The following PDE11A variants were observed in gnomAD, a reference collection of about 807,000 sequenced individuals.
The protein encoded by PDE11A is phosphodiesterase 11A.
Under a neutral mutation model 100.5 loss-of-function variants are expected in PDE11A, and 100 were observed. The ratio of observed to expected loss-of-function variants is 1.00; its 90% CI spans 0.85 to 1.18. The LOEUF (loss-of-function observed/expected upper bound fraction) is 1.18, where lower values mean the gene tolerates loss of function less well. Ranked by LOEUF, PDE11A falls within the 50% of genes most tolerant of loss-of-function variation. PDE11A has a pLI of 0.00. For synonymous variants in PDE11A, 381 were observed against 420.8 expected (o/e 0.91, Z 1.16); for missense variants, 1,141 against 1,152.6 (o/e 0.99, Z 0.15).
intron 19 of PDE11A, among the ~76,000 whole-genome samples, chr2:177,635,653 C>G (rs2080027940): frequency 6.6e-6 from 1 of 152,130 alleles, no homozygotes; most frequent in African/African-American, 2.4e-5. Flanking sequence ...CTACTATTTC[C>G]CAGACACTCA....
In PDE11A at chr2:177,701,168, A is replaced by C. The variant is rs1431487009; in HGVS notation, c.2197T>G (p.Leu733Val). Residue 733 changes from leucine to valine, a missense_variant, in exon 14 of 20, where the codon TTG (leucine) becomes GTG (valine). Physicochemically the swap from Leu to Val is conservative, Grantham distance 32. Coordinates refer to ENST00000286063, the MANE Select transcript of PDE11A (RefSeq NM_016953.4). Reference protein sequence around the residue: ...LAQLYGTSATLEHHHFNHAVM... With the variant: ...LAQLYGTSATVEHHHFNHAVM... ...GCGTGGTTGAAATGGTGATGCTCCA[A>C]GGTAGCAGAGGTTCCATAGAGTTGG... 6.2e-7 allele frequency: 1 copy of C among 1,608,374 alleles called. No homozygotes were observed.
intron 10 of PDE11A, among the ~76,000 whole-genome samples, chr2:177,739,743 T>A (rs554657544): frequency 6.6e-6 from 1 of 152,342 alleles, no homozygotes; most frequent in East Asian, 1.9e-4. Flanking sequence ...TCACGGTCCC[T>A]CTATGCAGCA....
At chr2:177,948,154 C>G (rs927257325) in intron 2 of PDE11A, among the ~76,000 whole-genome samples, 4 of 151,932 alleles carry the variant, frequency 2.6e-5, no homozygotes, top group African/African-American at 9.7e-5. Flanking sequence ...TCTTTGAAAA[C>G]ATGATTTAAC....
At chr2:178,049,757 C>T (rs559248065) in intron 1 of PDE11A, among the ~76,000 whole-genome samples, 109 of 152,290 alleles carry the variant, frequency 7.2e-4, no homozygotes, top group Non-Finnish European at 1.4e-3. Flanking sequence ...TCACTGCTAT[C>T]ACAGCAGTCT....
chr2:177,955,178 C>T (rs942100009), intron 2 of PDE11A, among the ~76,000 whole-genome samples: 3 of 152,168 alleles, frequency 2.0e-5, no homozygotes, highest in African/African-American at 7.2e-5. Flanking sequence ...TCTGTAACTA[C>T]AAGAGTCATC....
chr2:177,877,907 G>A (rs573234798), intron 4 of PDE11A, among the ~76,000 whole-genome samples: 2 of 152,268 alleles, frequency 1.3e-5, no homozygotes, highest in East Asian at 1.9e-4. Flanking sequence ...TTAGCCGTAC[G>A]CAGTCATGCT....
intron 19 of PDE11A, among the ~76,000 whole-genome samples, chr2:177,654,655 T>C (rs1487657822): frequency 6.6e-6 from 1 of 152,216 alleles, no homozygotes; most frequent in East Asian, 1.9e-4. Context: ...GACAGTAGTA[T>C]GAAGGGGTAT....
intron 9 of PDE11A, among the ~76,000 whole-genome samples, chr2:177,811,739 AT>A (rs901065007): frequency 5.3e-5 from 8 of 152,076 alleles, no homozygotes; most frequent in South Asian, 2.1e-4. Context: ...TAAATTTTGT[AT>A]TTCTATGCCC....
intron 17 of PDE11A, among the ~76,000 whole-genome samples, chr2:177,671,469 C>T (rs2080679611): frequency 6.6e-6 from 1 of 151,830 alleles, no homozygotes; most frequent in Admixed American, 6.6e-5. Flanking sequence ...CAGCAGAAAA[C>T]ATTCTGAAAG....
chr2:177,989,616 A>T (rs2085979433), intron 2 of PDE11A, among the ~76,000 whole-genome samples: 1 of 152,136 alleles, frequency 6.6e-6, no homozygotes, highest in African/African-American at 2.4e-5. Context: ...TTTGAGAGAG[A>T]ATAGCTTTTC....
chr2:177,696,341 G>A (rs1347831860), intron 15 of PDE11A, among the ~76,000 whole-genome samples: 1 of 152,244 alleles, frequency 6.6e-6, no homozygotes, highest in African/African-American at 2.4e-5. Flanking sequence ...TGTTTCAAGA[G>A]CTTATACACA....
intron 12 of PDE11A, among the ~76,000 whole-genome samples, 168 bp from the exon 13 acceptor site, chr2:177,712,046 A>C (rs1458039972): frequency 6.6e-6 from 1 of 152,240 alleles, no homozygotes; most frequent in Non-Finnish European, 1.5e-5. Context: ...TGCACAGCCT[A>C]AGGTCCCCAC....
chr2:177,698,899 T>C (rs2081157011), intron 14 of PDE11A, among the ~76,000 whole-genome samples: 1 of 152,106 alleles, frequency 6.6e-6, no homozygotes, highest in Non-Finnish European at 1.5e-5. Context: ...GAAAAAGTGG[T>C]AGGAAGCTAT....
chr2:177,998,085 G>T, intron 2 of PDE11A: 1 of 1,304,720 alleles, frequency 7.7e-7, no homozygotes, highest in Non-Finnish European at 1.1e-6. Context: ...CAGGATCTGA[G>T]GGATTGAAGG....
chr2:177,735,134 G>A (rs1239102115), intron 10 of PDE11A, among the ~76,000 whole-genome samples: 1 of 152,192 alleles, frequency 6.6e-6, no homozygotes, highest in Non-Finnish European at 1.5e-5. Flanking sequence ...TAAGAGCTGC[G>A]ATGGGGGAAA....
chr2:178,000,653 T>C (rs1019470065), intron 2 of PDE11A, among the ~76,000 whole-genome samples: 1 of 152,236 alleles, frequency 6.6e-6, no homozygotes, highest in African/African-American at 2.4e-5. Context: ...CTCATAGCTG[T>C]ATATGTACAA....
chr2:177,912,926 A>C (rs917344020), intron 2 of PDE11A, among the ~76,000 whole-genome samples: 8 of 152,208 alleles, frequency 5.3e-5, no homozygotes, highest in African/African-American at 1.9e-4. Flanking sequence ...AAATTTATAG[A>C]GAAGGAAAGT....
intron 10 of PDE11A, among the ~76,000 whole-genome samples, chr2:177,737,611 G>C (rs572827395): frequency 3.4e-4 from 52 of 151,606 alleles, no homozygotes; most frequent in Non-Finnish European, 6.0e-4. Context: ...AGCCAAGAGA[G>C]AGGGGCAGGG....
intron 9 of PDE11A, among the ~76,000 whole-genome samples, chr2:177,809,655 G>GCTT (rs1227776686): frequency 6.6e-6 from 1 of 152,160 alleles, no homozygotes; most frequent in East Asian, 1.9e-4. Flanking sequence ...GAGTAAAGAA[G>GCTT]CTATGACTGT....
Sources: gnomAD v4.1 joint callset for allele counts (sites outside exome capture counted in the v4.1 genomes callset) on GRCh38, gnomAD v4.1.1 for gene constraint, MANE v1.5 for transcripts, NCBI Gene and HGNC (gene_info 2026-07-23, HGNC 2026-07-21) for gene names.